The following SF3B3 variants were observed in gnomAD, a reference collection of about 807,000 sequenced individuals.
SF3B3 encodes the protein SAP 130.
SF3B3 carries 33 observed loss-of-function variants against 139.2 expected under a neutral mutation model. The ratio of observed to expected loss-of-function variants is 0.24; its 90% CI spans 0.18 to 0.32. The LOEUF (loss-of-function observed/expected upper bound fraction) is 0.32. Ranked by LOEUF, SF3B3 falls within the 10% of genes least tolerant of loss-of-function variation. The probability of loss-of-function intolerance (pLI) is 1.00; values close to 1 mark genes in which losing one functional copy is unlikely to be tolerated. For synonymous variants in SF3B3, 596 were observed against 563.6 expected, an observed-to-expected ratio of 1.06 and a Z score of -0.81; for missense variants, 818 against 1,509.4, an observed-to-expected ratio of 0.54 and a Z score of 7.59.
chr16:70,536,692 A>G (rs1460359807), intron 6 of SF3B3, among the ~76,000 whole-genome samples: 2 of 150,302 alleles, frequency 1.3e-5, no homozygotes, highest in Non-Finnish European at 3.0e-5. Context: ...GGGGTTTGCC[A>G]TGTTGGCCAT....
intron 3 of SF3B3, chr16:70,529,545 C>A: frequency 4.2e-6 from 1 of 240,664 alleles, no homozygotes; most frequent in South Asian, 7.0e-5. Flanking sequence ...TGTCTCTTCT[C>A]TGATAAATTC....
At chr16:70,559,830 T>C (rs970191610) in intron 15 of SF3B3, among the ~76,000 whole-genome samples, 8 of 152,076 alleles carry the variant, frequency 5.3e-5, no homozygotes, top group African/African-American at 1.7e-4. Context: ...CTTTAGCTCT[T>C]GGCCTCAAGC....
Position 70,571,180 on chromosome 16 carries a change from C to G in SF3B3, c.3494C>G (p.Ser1165Cys). The stretch of plus-strand genomic sequence containing the variant: ...GGGCGGGACCACCTCAGCTTTCGCT[C>G]CTACTACTTCCCTGTGAAGGTAGGT... ...LCGRDHLSFR[S>C]YYFPVKNVID... The change falls in exon 25 of 26, where the codon TCC becomes TGC. Residue 1165 changes from serine to cysteine, a missense_variant. Ser to Cys is a moderately radical substitution (Grantham distance 112). Coordinates refer to ENST00000302516, the MANE Select transcript of SF3B3 (RefSeq NM_012426.5). 6.2e-7 allele frequency: 1 copy of G among 1,612,144 alleles called. No individual in the cohort carries two copies. Among genetic ancestry groups the G allele is most frequent in the Non-Finnish European group, 8.5e-7 (1 of 1,178,240 alleles).
intron 14 of SF3B3, 134 bp from the exon 15 acceptor site, chr16:70,556,752 T>C (rs1344141615): frequency 2.2e-6 from 2 of 900,596 alleles, no homozygotes; most frequent in Non-Finnish European, 3.5e-6. Flanking sequence ...CAGTACTCTC[T>C]TAGAACTCAC....
At chr16:70,530,429 C>T (rs889031379) in intron 3 of SF3B3, among the ~76,000 whole-genome samples, 10 of 151,670 alleles carry the variant, frequency 6.6e-5, no homozygotes, top group Non-Finnish European at 1.2e-4. Flanking sequence ...AAGCAATTCT[C>T]CTGCCCCAGC....
intron 11 of SF3B3, among the ~76,000 whole-genome samples, chr16:70,552,475 C>T (rs188964700): frequency 1.1e-4 from 17 of 152,230 alleles, no homozygotes; most frequent in Admixed American, 9.2e-4. Context: ...CAGAGATAAC[C>T]ATGTCCTTAC....
At chr16:70,543,844 TTG>T (rs1391013672) in intron 9 of SF3B3, among the ~76,000 whole-genome samples, 2 of 136,008 alleles carry the variant, frequency 1.5e-5, no homozygotes, top group Non-Finnish European at 3.2e-5. Context: ...TACTGTTTTT[TTG>T]TGTTTTTTTT....
chr16:70,547,083 A>C (rs1217014370), intron 10 of SF3B3, among the ~76,000 whole-genome samples: 6 of 152,136 alleles, frequency 3.9e-5, no homozygotes, highest in Non-Finnish European at 7.4e-5. Context: ...CTTTATGTCT[A>C]TTTGTTACAC....
intron 11 of SF3B3, among the ~76,000 whole-genome samples, chr16:70,548,854 A>G (rs1233069857): frequency 6.6e-6 from 1 of 152,208 alleles, no homozygotes; most frequent in Non-Finnish European, 1.5e-5. Context: ...TGTTCTAGGA[A>G]TTAAGAGATT....
chr16:70,547,657 A>T (rs2050281221), intron 10 of SF3B3, among the ~76,000 whole-genome samples: 1 of 152,176 alleles, frequency 6.6e-6, no homozygotes, highest in Admixed American at 6.5e-5. Context: ...GCAATGATGC[A>T]ATCTCAGCTC....
chr16:70,526,175 A>G (rs999737389), intron 1 of SF3B3, among the ~76,000 whole-genome samples: 3 of 151,552 alleles, frequency 2.0e-5, no homozygotes, highest in Non-Finnish European at 2.9e-5. Flanking sequence ...TATACTAATG[A>G]CCTTGGATTT....
rs1213352324 is a variant in SF3B3 at position 70,526,688 on chromosome 16, C to A, written c.32C>A (p.Ala11Asp). 6.2e-7 allele frequency: 1 copy of A among 1,613,994 alleles called. No homozygotes were observed. Among genetic ancestry groups the A allele is most frequent in the Non-Finnish European group, 8.5e-7 (1 of 1,179,904 alleles). MFLYNLTLQR[A>D]TGISFAIHGN... ...CTGTACAACTTAACCTTGCAGAGAG[C>A]CACTGGCATCAGCTTTGCCATTCAT... is the stretch of plus-strand genomic sequence containing the variant. The change falls in exon 2 of 26, where the codon GCC becomes GAC. Residue 11 changes from alanine (A) to aspartate (D), a missense_variant. Physicochemically the swap from Ala to Asp is moderately radical, Grantham distance 126. This residue lies in a region of SF3B3 where 144 missense variants were observed against 259.2 expected (regional missense o/e 0.56). Transcript: ENST00000302516.
intron 4 of SF3B3, among the ~76,000 whole-genome samples, chr16:70,531,977 A>C (rs901446953): frequency 1.3e-5 from 2 of 152,270 alleles, no homozygotes; most frequent in South Asian, 2.1e-4. Context: ...GAGGCCCAGG[A>C]ATTCTAGGCT....
intron 18 of SF3B3, 33 bp from the exon 19 acceptor site, chr16:70,565,032 C>T (rs758282345): frequency 1.0e-5 from 16 of 1,607,148 alleles, no homozygotes; most frequent in Non-Finnish European, 1.3e-5. Context: ...CCTCTGAGCA[C>T]GCCAACTCAG....
At chr16:70,536,114 T>A (rs1429521919) in intron 6 of SF3B3, among the ~76,000 whole-genome samples, 3 of 152,134 alleles carry the variant, frequency 2.0e-5, no homozygotes, top group Non-Finnish European at 4.4e-5. Flanking sequence ...AAAAAGTTCC[T>A]TTGTAATTAA....
At chr16:70,542,592 A>T (rs901102597) in intron 9 of SF3B3, among the ~76,000 whole-genome samples, 6 of 152,318 alleles carry the variant, frequency 3.9e-5, no homozygotes, top group Admixed American at 6.5e-5. Flanking sequence ...GGTACTGGGG[A>T]AACAAGTCAG....
intron 11 of SF3B3, among the ~76,000 whole-genome samples, chr16:70,553,053 C>T (rs1452888473): frequency 6.6e-6 from 1 of 152,076 alleles, no homozygotes; most frequent in African/African-American, 2.4e-5. Context: ...ATTACAGGCG[C>T]CCACCACCAC....
intron 24 of SF3B3, 55 bp from the exon 25 acceptor site, chr16:70,571,040 C>A: frequency 2.5e-6 from 3 of 1,206,344 alleles, no homozygotes; most frequent in Non-Finnish European, 3.7e-6. Context: ...CTTGTGGAAA[C>A]TCTAGACTAG....
chr16:70,570,606 A>G (rs1230183210), intron 24 of SF3B3, among the ~76,000 whole-genome samples: 2 of 152,184 alleles, frequency 1.3e-5, no homozygotes, highest in African/African-American at 4.8e-5. Context: ...CTGGGATTAC[A>G]GGCGTGAGCC....
Sources: gnomAD v4.1 joint callset for allele counts (sites outside exome capture counted in the v4.1 genomes callset) on GRCh38, gnomAD v4.1.1 for gene constraint, gnomAD v4.1.1 regional missense constraint, MANE v1.5 for transcripts, NCBI Gene and HGNC (gene_info 2026-07-23, HGNC 2026-07-21) for gene names.